The following PGPEP1L variants were observed in gnomAD, a reference collection of about 807,000 sequenced individuals.
PGPEP1L encodes the protein pyroglutamyl-peptidase 1-like protein.
A neutral mutation model predicts 6.0 loss-of-function variants in PGPEP1L; 7 were observed. The ratio of observed to expected loss-of-function variants is 1.17; its 90% CI spans 0.66 to 2.19. The LOEUF is 2.19. PGPEP1L is among the 30% of genes most tolerant of loss of function. The pLI, the probability that PGPEP1L is intolerant of heterozygous loss-of-function variation, is 0.00. For synonymous variants in PGPEP1L, 103 were observed against 83.9 expected (o/e 1.23, Z -1.24); for missense variants, 209 against 192.5 (o/e 1.09, Z -0.51).
chr15:98,987,165 C>CAAAAAAAAAAA lies in PGPEP1L; in HGVS notation c.-141-16018_-141-16008dup, dbSNP rs57923635. Among the ~76,000 whole-genome samples the CAAAAAAAAAAA allele has an allele frequency of 3.2e-3, 106 of 33,396 alleles. 12 individuals are homozygous for CAAAAAAAAAAA. Among genetic ancestry groups the CAAAAAAAAAAA allele is most frequent in the African/African-American group, 9.2e-3 (81 of 8,792 alleles). The allele number at this position is 33,396 out of a possible 152,430, so 21.9% of individuals were successfully genotyped here. A position where few individuals can be genotyped will look rare whatever the true frequency, so the allele number is the denominator to read the frequency against. ...TGGGTGACAGAGTGAGACTCCATCTCAAAAAAAAAAAAAAAAAAAAAAAAA... is the reference window on the plus strand; with the variant it reads ...TGGGTGACAGAGTGAGACTCCATCTCAAAAAAAAAAAAAAAAAAAAAAAAAAAAAAAAAAAA... On this transcript the variant is annotated intron_variant, in intron 2 of 4. Coordinates refer to ENST00000535714, the MANE Select transcript of PGPEP1L (RefSeq NM_001167902.2).
intron 2 of PGPEP1L, among the ~76,000 whole-genome samples, chr15:98,995,766 A>C (rs1271090523): frequency 6.6e-6 from 1 of 152,184 alleles, no homozygotes; most frequent in African/African-American, 2.4e-5. Flanking sequence ...AATCAATTTT[A>C]GAATCTATCA....
At chr15:99,002,970 G>C (rs1427093716) in intron 2 of PGPEP1L, among the ~76,000 whole-genome samples, 4 of 152,170 alleles carry the variant, frequency 2.6e-5, no homozygotes, top group Non-Finnish European at 5.9e-5. Flanking sequence ...GTTCTGGAGA[G>C]AAACTTGAAT....
At position 99,005,454 on chromosome 15, in the gene PGPEP1L, G is replaced by C. The variant is rs2018038856; in HGVS notation, c.-167C>G. ...CAGTCACCACCACGCAGCTGGGCTG[G>C]GAATCCATGAAGACGAAGTGGGAGC... On this transcript the variant is annotated 5_prime_UTR_variant, in exon 2 of 5. Transcript: ENST00000535714. 1 of 152,548 alleles carries C rather than the reference G, an allele frequency of 6.6e-6. No homozygotes were observed. Among genetic ancestry groups the C allele is most frequent in the African/African-American group, 2.4e-5 (1 of 41,454 alleles). The allele number at this position is 152,548 out of a possible 1,614,324, so 9.4% of individuals were successfully genotyped here.
At chr15:98,996,574 A>T (rs1477105170) in intron 2 of PGPEP1L, among the ~76,000 whole-genome samples, 3 of 151,136 alleles carry the variant, frequency 2.0e-5, no homozygotes, top group Non-Finnish European at 4.4e-5. Flanking sequence ...GTGTGCATGC[A>T]TGTATTATGT....
chr15:98,988,887 CCTGA>C (rs1186422873), intron 2 of PGPEP1L, among the ~76,000 whole-genome samples: 25 of 152,120 alleles, frequency 1.6e-4, no homozygotes, highest in Non-Finnish European at 1.9e-4. Context: ...AGTAGAGTGC[CCTGA>C]CTGTTAGAAG....
intron 2 of PGPEP1L, among the ~76,000 whole-genome samples, chr15:98,998,701 G>A (rs1272652264): frequency 6.6e-6 from 1 of 152,202 alleles, no homozygotes; most frequent in Admixed American, 6.5e-5. Context: ...GAAGTAGCCT[G>A]GCATGGTGGC....
intron 2 of PGPEP1L, among the ~76,000 whole-genome samples, chr15:99,004,626 G>A (rs2018021887): frequency 6.6e-6 from 1 of 152,162 alleles, no homozygotes; most frequent in Non-Finnish European, 1.5e-5. Context: ...GCTGAGGCAG[G>A]AGAATCGCTT....
intron 2 of PGPEP1L, among the ~76,000 whole-genome samples, chr15:98,981,419 G>C (rs896475332): frequency 1.3e-5 from 2 of 151,224 alleles, no homozygotes; most frequent in Non-Finnish European, 2.9e-5. Flanking sequence ...GAACCCGGGA[G>C]GCAGAGCTTG....
intron 2 of PGPEP1L, among the ~76,000 whole-genome samples, chr15:98,982,276 C>T (rs1357506614): frequency 1.3e-5 from 2 of 152,212 alleles, no homozygotes; most frequent in African/African-American, 2.4e-5. Context: ...AGTGCGGCCC[C>T]TTGTGCAGGC....
chr15:98,975,330 G>C (rs181450040), intron 2 of PGPEP1L, among the ~76,000 whole-genome samples: 1 of 152,150 alleles, frequency 6.6e-6, no homozygotes, highest in African/African-American at 2.4e-5. Flanking sequence ...AGGGATGAAC[G>C]GGAGGGAAGT....
At chr15:98,973,137 A>G (rs182813955) in intron 2 of PGPEP1L, among the ~76,000 whole-genome samples, 53 of 152,320 alleles carry the variant, frequency 3.5e-4, no homozygotes, top group African/African-American at 1.2e-3. Flanking sequence ...ATAATGACAA[A>G]GGGATCAATA....
chr15:98,996,802 CAG>C lies in PGPEP1L; in HGVS notation c.-142+8625_-142+8626del, dbSNP rs2017895747. Among the ~76,000 whole-genome samples, 4 of 152,140 alleles carry C rather than the reference CAG, an allele frequency of 2.6e-5. No individual in the cohort carries two copies. In the South Asian group the frequency reaches 8.3e-4, roughly 31 times the overall value. On this transcript the variant is annotated intron_variant, in intron 2 of 4. Transcript: ENST00000535714. ...GATATCTACCTTATCTGTGAATCAT[CAG>C]AGTCAGATCCTATTTGCCTGCAGCT...
intron 4 of PGPEP1L, 65 bp from the exon 5 acceptor site, chr15:98,968,762 A>G (rs2017444120): frequency 6.9e-7 from 1 of 1,452,842 alleles, no homozygotes; most frequent in African/African-American, 1.4e-5. Flanking sequence ...AAACATACGC[A>G]GAAGTGGCAA....
intron 2 of PGPEP1L, among the ~76,000 whole-genome samples, chr15:99,000,588 G>C (rs560056602): frequency 1.2e-4 from 19 of 152,314 alleles, no homozygotes; most frequent in African/African-American, 4.3e-4. Flanking sequence ...GTCTAGCTCA[G>C]GGTTTGTGAA....
At chr15:98,996,096 ATCTT>A (rs370931213) in intron 2 of PGPEP1L, among the ~76,000 whole-genome samples, 59 of 152,046 alleles carry the variant, frequency 3.9e-4, no homozygotes, top group African/African-American at 1.4e-3. Context: ...TTGTGATTCT[ATCTT>A]TAAGTATTTC....
At chr15:98,968,760 G>C (rs1250798126) in intron 4 of PGPEP1L, 63 bp from the exon 5 acceptor site, 8 of 1,450,058 alleles carry the variant, frequency 5.5e-6, no homozygotes, top group Non-Finnish European at 7.5e-6. Flanking sequence ...TGAAACATAC[G>C]CAGAAGTGGC....
chr15:99,004,446 G>A (rs1330116765), intron 2 of PGPEP1L, among the ~76,000 whole-genome samples: 32 of 151,126 alleles, frequency 2.1e-4, no homozygotes, highest in East Asian at 5.9e-4. Flanking sequence ...AGGGCCAGGC[G>A]CAGTGGCTCA....
chr15:99,001,279 G>C, intron 2 of PGPEP1L: 1 of 256,170 alleles, frequency 3.9e-6, no homozygotes. Flanking sequence ...TTGAAAACAT[G>C]CTAAATGAAA....
chr15:98,972,894 A>G (rs1294227399), intron 2 of PGPEP1L, among the ~76,000 whole-genome samples: 1 of 150,896 alleles, frequency 6.6e-6, no homozygotes, highest in Non-Finnish European at 1.5e-5. Flanking sequence ...AAAAAAAAAA[A>G]AAAAAAAAGT....
Sources: allele counts gnomAD v4.1 joint callset (sites outside exome capture counted in the v4.1 genomes callset), GRCh38; gene constraint gnomAD v4.1.1; transcripts MANE v1.5; gene names NCBI Gene and HGNC (gene_info 2026-07-23, HGNC 2026-07-21).